KCNQ5: variants seen among roughly 807,000 people sequenced by gnomAD.
The protein encoded by KCNQ5 is potassium voltage-gated channel subfamily Q member 5.
KCNQ5 carries 30 observed loss-of-function variants against 98.2 expected under a neutral mutation model. The observed-to-expected ratio is 0.31, with a 90% CI of 0.23 to 0.41. KCNQ5 has a LOEUF of 0.41. Ranked by LOEUF, KCNQ5 falls within the 10% of genes least tolerant of loss-of-function variation. The probability of loss-of-function intolerance (pLI) is 1.00; values close to 1 mark genes in which losing one functional copy is unlikely to be tolerated. For missense variants in KCNQ5, 835 were observed against 1,182.5 expected, an observed-to-expected ratio of 0.71 and a Z score of 4.31; for synonymous variants, 458 against 449.4, an observed-to-expected ratio of 1.02 and a Z score of -0.24.
At chr6:72,732,613 G>A (rs996138265) in intron 1 of KCNQ5, among the ~76,000 whole-genome samples, 4 of 152,172 alleles carry the variant, frequency 2.6e-5, no homozygotes, top group African/African-American at 9.7e-5. Flanking sequence ...AAGGGTCTTT[G>A]GGACAAACTA....
intron 1 of KCNQ5, among the ~76,000 whole-genome samples, chr6:72,750,240 T>C (rs1489031588): frequency 6.6e-6 from 1 of 152,024 alleles, no homozygotes; most frequent in East Asian, 1.9e-4. Flanking sequence ...ACTAACTCTA[T>C]CCAGAGTGAA....
In KCNQ5 at chr6:72,877,971, C is replaced by T. The variant is rs562435345; in HGVS notation, c.399-125937C>T. ...GTTTCAGTTAAGTATCTTCTGTAGA[C>T]GTTATTAAAAATCCATAGGCCGGGT... On this transcript the variant is annotated intron_variant, in intron 1 of 13. Coordinates refer to ENST00000370398, the MANE Select transcript of KCNQ5 (RefSeq NM_019842.4). Among the ~76,000 whole-genome samples, 5 of 152,218 alleles carry T rather than the reference C, an allele frequency of 3.3e-5. No individual in the cohort carries two copies. The East Asian group carries it at 9.7e-4, about 29-fold the overall frequency.
intron 1 of KCNQ5, among the ~76,000 whole-genome samples, chr6:72,676,527 T>C (rs1408990872): frequency 6.6e-6 from 1 of 152,138 alleles, no homozygotes; most frequent in Non-Finnish European, 1.5e-5. Context: ...GGAGTAAGCA[T>C]CCTAAATTGA....
chr6:72,766,642 G>A (rs959484251), intron 1 of KCNQ5, among the ~76,000 whole-genome samples: 27 of 151,958 alleles, frequency 1.8e-4, no homozygotes, highest in Admixed American at 1.5e-3. Flanking sequence ...CACTTTCTAT[G>A]TTGGATATGA....
intron 1 of KCNQ5, among the ~76,000 whole-genome samples, chr6:72,966,330 G>A (rs1400513775): frequency 1.3e-5 from 2 of 152,052 alleles, no homozygotes; most frequent in African/African-American, 2.4e-5. Context: ...AGGCCAAGGC[G>A]GGCGGATCAC....
chr6:73,166,399 G>A lies in KCNQ5; in HGVS notation c.1469-3347G>A, dbSNP rs192297541. ...TGCAGTGAGCCGAGATCATGCCACT[G>A]CACTTGAGCCTGGGTGACAGAGTGA... On this transcript the variant is annotated intron_variant, in intron 10 of 13. Transcript: ENST00000370398. Among the ~76,000 whole-genome samples the A allele has an allele frequency of 1.7e-3, 250 of 150,378 alleles. 8 individuals carry two copies. The South Asian group carries it at 0.046, about 28-fold the overall frequency.
At chr6:73,112,301 C>T (rs1234015705) in intron 7 of KCNQ5, among the ~76,000 whole-genome samples, 1 of 151,944 alleles carries the variant, frequency 6.6e-6, no homozygotes. Flanking sequence ...CAGTAACGGG[C>T]ACACTGTTTT....
chr6:73,127,364 C>T (rs1325867317), intron 9 of KCNQ5, among the ~76,000 whole-genome samples: 1 of 152,172 alleles, frequency 6.6e-6, no homozygotes, highest in African/African-American at 2.4e-5. Context: ...TCAGCCCAAG[C>T]AGGAGCCAAC....
At chr6:72,962,588 T>A (rs1767428807) in intron 1 of KCNQ5, among the ~76,000 whole-genome samples, 1 of 152,184 alleles carries the variant, frequency 6.6e-6, no homozygotes, top group African/African-American at 2.4e-5. Context: ...GAAAGGCAGC[T>A]GAAACTCTGT....
rs566666937 is a variant in KCNQ5, at chr6:72,719,910, C to G, written c.398+97323C>G. On this transcript the variant is annotated intron_variant, in intron 1 of 13. Transcript: ENST00000370398. ...CAGAGCTGGAGTTTATCACCAGTGT[C>G]TCAGGTCATCGAATAATTTGGCAAA... Among the ~76,000 whole-genome samples the G allele has an allele frequency of 2.7e-4, 41 of 152,324 alleles. 1 individual carries two copies. In the South Asian group the frequency reaches 8.3e-3, roughly 31 times the overall value.
chr6:72,770,004 C>T (rs1325454036), intron 1 of KCNQ5, among the ~76,000 whole-genome samples: 3 of 152,034 alleles, frequency 2.0e-5, no homozygotes, highest in Non-Finnish European at 4.4e-5. Context: ...AGTTTTAAAA[C>T]TTTCAATAAA....
intron 1 of KCNQ5, among the ~76,000 whole-genome samples, chr6:72,883,805 TAGAG>T (rs1400593967): frequency 2.6e-5 from 4 of 151,850 alleles, no homozygotes; most frequent in East Asian, 3.9e-4. Flanking sequence ...TATAAGGAAA[TAGAG>T]AGAACAAAGA....
At chr6:72,856,502 G>A (rs540488054) in intron 1 of KCNQ5, among the ~76,000 whole-genome samples, 3 of 151,012 alleles carry the variant, frequency 2.0e-5, no homozygotes, top group Non-Finnish European at 4.4e-5. Context: ...ACACGTGTGT[G>A]TATTTAAATA....
chr6:72,671,072 C>G (rs1207715587), intron 1 of KCNQ5, among the ~76,000 whole-genome samples: 3 of 152,208 alleles, frequency 2.0e-5, no homozygotes, highest in African/African-American at 7.2e-5. Context: ...GGGTCCTCAT[C>G]CAAATGACCT....
chr6:72,957,781 A>G (rs1056746249), intron 1 of KCNQ5, among the ~76,000 whole-genome samples: 2 of 152,184 alleles, frequency 1.3e-5, no homozygotes, highest in African/African-American at 4.8e-5. Context: ...ACTGAATTTA[A>G]TCACATCATG....
At chr6:72,986,493 A>G (rs1768785210) in intron 1 of KCNQ5, 5 of 509,188 alleles carry the variant, frequency 9.8e-6, no homozygotes, top group Non-Finnish European at 1.8e-5. Flanking sequence ...TTCTCCTATA[A>G]GAGCCACATC....
rs547293429 is a variant in KCNQ5 at position 72,933,377 on chromosome 6, T to G, written c.399-70531T>G. On this transcript the variant is annotated intron_variant, in intron 1 of 13. Transcript: ENST00000370398. Reference sequence around the variant, plus strand: ...TGTTGAAGGATTATGCCTTTGCTTCTGTCGGGATGCCATCCATAATTCTTA... The same window carrying G: ...TGTTGAAGGATTATGCCTTTGCTTCGGTCGGGATGCCATCCATAATTCTTA... 3.7e-4 allele frequency among the ~76,000 whole-genome samples: 57 copies of G among 152,354 alleles called. No individual in the cohort carries two copies. In the Middle Eastern group the frequency reaches 0.027, roughly 73 times the overall value.
intron 1 of KCNQ5, among the ~76,000 whole-genome samples, chr6:72,968,157 G>A (rs1486678602): frequency 6.6e-6 from 1 of 152,044 alleles, no homozygotes; most frequent in East Asian, 1.9e-4. Context: ...CACACTCACA[G>A]TGTCTCAGAA....
intron 1 of KCNQ5, among the ~76,000 whole-genome samples, chr6:72,801,197 C>T (rs1277386194): frequency 2.7e-5 from 4 of 149,052 alleles, no homozygotes; most frequent in Admixed American, 1.3e-4. Flanking sequence ...CTTTCTGTCT[C>T]GTTGATCTGT....
Sources: allele counts gnomAD v4.1 joint callset (sites outside exome capture counted in the v4.1 genomes callset), GRCh38; gene constraint gnomAD v4.1.1; transcripts MANE v1.5; gene names NCBI Gene and HGNC (gene_info 2026-07-23, HGNC 2026-07-21).